Variants in VSIG4 observed in about 807,000 individuals in gnomAD.
VSIG4 encodes the protein V-set and immunoglobulin domain containing 4, also known as V-set and immunoglobulin domain-containing protein 4.
VSIG4 carries 34 observed loss-of-function variants against 23.4 expected under a neutral mutation model. The observed-to-expected ratio is 1.45, with a 90% CI of 1.10 to 1.93. VSIG4 has a LOEUF of 1.93. VSIG4 is among the 30% of genes most tolerant of loss of function. The pLI, the probability that VSIG4 is intolerant of heterozygous loss-of-function variation, is 0.00. For missense variants in VSIG4, 433 were observed against 310.8 expected (o/e 1.39, Z -2.96); for synonymous variants, 169 against 120.3 (o/e 1.41, Z -2.65).
chrX:66,029,919 G>A (rs1049228284), intron 3 of VSIG4, among the ~76,000 whole-genome samples: 5 of 111,618 alleles, frequency 4.5e-5, no homozygotes, highest in African/African-American at 1.6e-4. Flanking sequence ...TGGTTGGAGA[G>A]TCATCAGACT....
chrX:66,027,734 G>A (rs769935075), intron 4 of VSIG4, among the ~76,000 whole-genome samples: 1 of 112,137 alleles, frequency 8.9e-6, no homozygotes, highest in Admixed American at 9.4e-5. Context: ...AATTCCCATC[G>A]AGGGGAGGTA....
Position 66,025,129 on chromosome X carries a change from C to T in VSIG4, c.836G>A (p.Gly279Glu), listed in dbSNP as rs17315645. The T allele has an allele frequency of 0.031, 35,858 of 1,169,238 alleles. 462 individuals are homozygous for T. Among genetic ancestry groups the T allele is most frequent in the South Asian group, 0.052 (2,650 of 51,328 alleles). ...GATGGCAAAGACAGGCAGGCTCTTT[C>T]CTAGAGGGTAAAACAAGATCAAGTG... ...GYLGETSAGP[G>E]KSLPVFAIIL... Residue 279 changes from glycine (G) to glutamate (E), a missense_variant and splice_region_variant, in exon 6 of 8, where the codon GGA becomes GAA. Gly to Glu is a moderately conservative substitution (Grantham distance 98). Coordinates refer to ENST00000374737, the MANE Select transcript of VSIG4 (RefSeq NM_007268.3).
rs757429800 is a variant in VSIG4 at position 66,033,712 on chromosome X, T to C, written c.174A>G (p.Val58=). The C allele has an allele frequency of 5.0e-6, 6 of 1,211,536 alleles. No individual in the cohort carries two copies. Among genetic ancestry groups the C allele is most frequent in the Non-Finnish European group, 5.6e-6 (5 of 895,387 alleles). Residue 58 remains valine, a synonymous_variant, in exon 2 of 8, where the codon GTA becomes GTG. Coordinates refer to ENST00000374737, the MANE Select transcript of VSIG4 (RefSeq NM_007268.3). ...TGGTGACAGGGTCTGAGCCACGTTG[T>C]ACCAGCCACTTCACCAAGACTTGGG... is the stretch of plus-strand genomic sequence containing the variant. ...GYTQVLVKWL[V]QRGSDPVTIF... is the part of the protein sequence containing the mutation.
chrX:66,037,325 T>C lies in VSIG4; in HGVS notation c.55+2619A>G, dbSNP rs1174324744. Among the ~76,000 whole-genome samples the C allele has an allele frequency of 7.0e-4, 15 of 21,541 alleles. 1 individual carries two copies. Among genetic ancestry groups the C allele is most frequent in the African/African-American group, 1.8e-3 (5 of 2,751 alleles). The allele number at this position is 21,541 out of a possible 115,157, so 18.7% of individuals were successfully genotyped here. On this transcript the variant is annotated intron_variant, in intron 1 of 7. Coordinates refer to ENST00000374737, the MANE Select transcript of VSIG4 (RefSeq NM_007268.3). Reference sequence around the variant, plus strand: ...TAATAATATAATATATAATATATATTATATAATAATATAATATAATATATA... The same window carrying C: ...TAATAATATAATATATAATATATATCATATAATAATATAATATAATATATA...
chrX:66,031,881 T>A (rs746254508), intron 3 of VSIG4, among the ~76,000 whole-genome samples: 3 of 111,476 alleles, frequency 2.7e-5, no homozygotes, highest in South Asian at 7.5e-4. Flanking sequence ...GGGAGGGAAG[T>A]TAAAAGAAAG....
At chrX:66,030,995 G>T (rs923393830) in intron 3 of VSIG4, among the ~76,000 whole-genome samples, 1 of 110,935 alleles carries the variant, frequency 9.0e-6, no homozygotes, top group Non-Finnish European at 1.9e-5. Flanking sequence ...AGGGGACAAG[G>T]TTGGGTGGAC....
chrX:66,035,862 G>C (rs1437331356), intron 1 of VSIG4, among the ~76,000 whole-genome samples: 2 of 112,441 alleles, frequency 1.8e-5, no homozygotes, highest in African/African-American at 6.5e-5. Flanking sequence ...GCTGTGAGTT[G>C]AAAATGCCTT....
intron 1 of VSIG4, among the ~76,000 whole-genome samples, chrX:66,037,762 A>G (rs1272299110): frequency 9.7e-6 from 1 of 102,913 alleles, no homozygotes; most frequent in Non-Finnish European, 2.0e-5. Flanking sequence ...TGATACGTAT[A>G]TATACTTATT....
At chrX:66,023,048 C>T (rs2085351187) in intron 6 of VSIG4, among the ~76,000 whole-genome samples, 186 bp from the exon 7 acceptor site, 1 of 110,950 alleles carries the variant, frequency 9.0e-6, no homozygotes, top group Non-Finnish European at 1.9e-5. Flanking sequence ...GCAAATTTAT[C>T]AGGTAAAAGA....
chrX:66,027,490 G>A lies in VSIG4; in HGVS notation c.794C>T (p.Thr265Ile), dbSNP rs760685843. The change falls in exon 5 of 8, where the codon ACT (threonine) becomes ATT (isoleucine). Residue 265 changes from threonine to isoleucine, a missense_variant. By Grantham distance (89) the Thr-to-Ile change is moderately conservative (BLOSUM62 -1). Coordinates refer to ENST00000374737, the MANE Select transcript of VSIG4 (RefSeq NM_007268.3). Reference protein sequence around the residue: ...STVKQSWDWTTDMDGYLGETS... With the variant: ...STVKQSWDWTIDMDGYLGETS... ...CTCTCCAAGGTAGCCATCCATGTCAGTGGTCCAGTCCCAGGACTGCTTCAC... is the reference window on the plus strand; with the variant it reads ...CTCTCCAAGGTAGCCATCCATGTCAATGGTCCAGTCCCAGGACTGCTTCAC... 1.4e-5 allele frequency: 17 copies of A among 1,203,102 alleles called. No homozygotes were observed. In the East Asian group the frequency reaches 1.5e-4, roughly 11 times the overall value.
chrX:66,030,971 AG>A (rs1273218532), intron 3 of VSIG4, among the ~76,000 whole-genome samples: 3 of 110,735 alleles, frequency 2.7e-5, no homozygotes, highest in Non-Finnish European at 5.7e-5. Flanking sequence ...GAGGTGAAAT[AG>A]GGGGTCAGAC....
rs745655185 is a variant in VSIG4, at chrX:66,022,091, G to T, written c.*172C>A. The T allele has an allele frequency of 3.4e-6, 4 of 1,167,096 alleles. No homozygotes were observed. In the Admixed American group the frequency reaches 1.0e-4, roughly 30 times the overall value. ...GCCAAATCCAGCAGCTGGCTTACTT[G>T]AGATGCATCTGGCAAATTCCAGGGC... is the stretch of plus-strand genomic sequence containing the variant. On this transcript the variant is annotated 3_prime_UTR_variant, in exon 8 of 8. Transcript: ENST00000374737.
At chrX:66,036,894 T>A (rs1385342018) in intron 1 of VSIG4, among the ~76,000 whole-genome samples, 5 of 31,426 alleles carry the variant, frequency 1.6e-4, no homozygotes, top group East Asian at 1.4e-3. Context: ...ATTATATATT[T>A]TATTATATAA....
chrX:66,022,550 C>T (rs777128462), intron 7 of VSIG4, 50 bp from the exon 8 acceptor site: 6 of 1,190,795 alleles, frequency 5.0e-6, no homozygotes, highest in Non-Finnish European at 6.8e-6. Context: ...GGGCTGTGGT[C>T]CTGGTTTCCC....
At chrX:66,039,181 A>G (rs1467191160) in intron 1 of VSIG4, among the ~76,000 whole-genome samples, 2 of 112,193 alleles carry the variant, frequency 1.8e-5, no homozygotes, top group Admixed American at 9.4e-5. Context: ...ACCAAGTCCT[A>G]TGAAGACCAG....
At position 66,040,000 on chromosome X, in the gene VSIG4, A is replaced by T; in HGVS notation, c.-2T>A. 5.0e-6 allele frequency: 6 copies of T among 1,211,575 alleles called. No homozygotes were observed. Among genetic ancestry groups the T allele is most frequent in the Non-Finnish European group, 6.7e-6 (6 of 895,255 alleles). ...TAGCAGGCCCAGTAAGATCCCCATC[A>T]CAGCCAGAGCTACTTCTGTCCTTTC... On this transcript the variant is annotated 5_prime_UTR_variant, in exon 1 of 8. Transcript: ENST00000374737.
At chrX:66,036,765 ATATATAT>A (rs2085555983) in intron 1 of VSIG4, among the ~76,000 whole-genome samples, 1 of 38,989 alleles carries the variant, frequency 2.6e-5, no homozygotes, top group Non-Finnish European at 4.0e-5. Context: ...ATATAATATA[ATATATAT>A]TATATTATAT....
chrX:66,033,927 T>A (rs5964488), intron 1 of VSIG4, 97 bp from the exon 2 acceptor site: 12 of 693,740 alleles, frequency 1.7e-5, no homozygotes, highest in Non-Finnish European at 2.6e-5. Context: ...TTCTGAGAAA[T>A]GCCACTCAAC....
chrX:66,034,525 C>T (rs930281826), intron 1 of VSIG4, among the ~76,000 whole-genome samples: 2 of 111,925 alleles, frequency 1.8e-5, no homozygotes, highest in South Asian at 3.7e-4. Context: ...AATTCAAAAC[C>T]TGCACTTTGT....
Sources: gnomAD v4.1 joint callset for allele counts (sites outside exome capture counted in the v4.1 genomes callset) on GRCh38, gnomAD v4.1.1 for gene constraint, MANE v1.5 for transcripts, NCBI Gene and HGNC (gene_info 2026-07-23, HGNC 2026-07-21) for gene names.